Variants in XIRP2 observed in about 807,000 individuals in gnomAD.
XIRP2 encodes the protein xin actin binding repeat containing 2.
XIRP2 carries 236 observed loss-of-function variants against 277.0 expected under a neutral mutation model. The ratio of observed to expected loss-of-function variants is 0.85; its 90% CI spans 0.77 to 0.95. XIRP2 has a LOEUF of 0.95. XIRP2 is among the 40% of genes least tolerant of loss of function. The probability of loss-of-function intolerance (pLI) is 0.00; values close to 1 mark genes in which losing one functional copy is unlikely to be tolerated. For missense variants in XIRP2, 4,640 were observed against 4,157.5 expected, an observed-to-expected ratio of 1.12 and a Z score of -3.19; for synonymous variants, 1,490 against 1,416.5, an observed-to-expected ratio of 1.05 and a Z score of -1.17.
chr2:167,153,717 G>A (rs1692091876), intron 3 of XIRP2, among the ~76,000 whole-genome samples: 1 of 151,820 alleles, frequency 6.6e-6, no homozygotes, highest in South Asian at 2.1e-4. Flanking sequence ...TTTCATCCAT[G>A]TCCCTAAAAA....
chr2:167,087,109 A>G (rs1689975187), intron 2 of XIRP2, among the ~76,000 whole-genome samples: 1 of 152,032 alleles, frequency 6.6e-6, no homozygotes, highest in Non-Finnish European at 1.5e-5. Flanking sequence ...GGTGATGTAC[A>G]CATGGGTTTT....
chr2:167,180,800 G>T (rs984481541), intron 3 of XIRP2, among the ~76,000 whole-genome samples: 27 of 152,054 alleles, frequency 1.8e-4, no homozygotes, highest in Non-Finnish European at 3.4e-4. Context: ...CATTGACTGA[G>T]GTCCACCATT....
At chr2:167,059,903 C>T (rs1055892116) in intron 2 of XIRP2, among the ~76,000 whole-genome samples, 3 of 152,158 alleles carry the variant, frequency 2.0e-5, no homozygotes, top group Admixed American at 6.6e-5. Context: ...CACATGAATG[C>T]TTCTGTTAGG....
chr2:167,044,576 C>T (rs540786726), intron 2 of XIRP2, among the ~76,000 whole-genome samples: 2 of 152,238 alleles, frequency 1.3e-5, no homozygotes, highest in South Asian at 4.1e-4. Flanking sequence ...AGTAAACTTT[C>T]AGGATACAAA....
chr2:167,247,288 C>T lies in XIRP2; in HGVS notation c.5896C>T (p.Gln1966Ter), dbSNP rs761510859. ...GGGAGAGCAGAAAACAGATATTCAT[C>T]AGGTTGCTGTCCAGAGGAACAAAAA... The part of the protein sequence containing the change: ...SSGEQKTDIH[Q>*]VAVQRNKNSL... Residue 1966 changes from glutamine to a stop codon, truncating the protein, a stop_gained, in exon 9 of 11, where the codon CAG becomes TAG. Coordinates refer to ENST00000409195, the MANE Select transcript of XIRP2 (RefSeq NM_152381.6). LOFTEE classifies it high-confidence loss of function. 4 of 1,613,700 alleles carry T rather than the reference C, an allele frequency of 2.5e-6. No homozygotes were observed. In the South Asian group the frequency reaches 4.4e-5, roughly 18 times the overall value.
chr2:167,224,244 G>T (rs10185877), intron 5 of XIRP2, among the ~76,000 whole-genome samples: 8 of 151,734 alleles, frequency 5.3e-5, no homozygotes, highest in Admixed American at 1.3e-4. Context: ...TACATTTTTT[G>T]ATATTTTGAG....
intron 2 of XIRP2, among the ~76,000 whole-genome samples, chr2:166,948,247 A>G (rs974503371): frequency 1.1e-4 from 17 of 152,136 alleles, no homozygotes; most frequent in African/African-American, 4.1e-4. Flanking sequence ...ATGTGGGTTC[A>G]TCTATTATAA....
intron 2 of XIRP2, among the ~76,000 whole-genome samples, chr2:166,933,383 C>T (rs551252469): frequency 1.4e-4 from 21 of 152,016 alleles, no homozygotes; most frequent in African/African-American, 3.9e-4. Flanking sequence ...CTCCTGACCT[C>T]GTGATCCACC....
At chr2:167,102,288 T>A (rs920573396) in intron 2 of XIRP2, among the ~76,000 whole-genome samples, 2 of 152,204 alleles carry the variant, frequency 1.3e-5, no homozygotes, top group African/African-American at 4.8e-5. Context: ...ATCAAAGTCC[T>A]AAAGTAAAGC....
At chr2:167,195,804 A>T (rs1342792862) in intron 3 of XIRP2, among the ~76,000 whole-genome samples, 1 of 152,208 alleles carries the variant, frequency 6.6e-6, no homozygotes. Flanking sequence ...ATGCATTTCA[A>T]AACAAAGGCC....
In XIRP2 at chr2:166,933,087, T is replaced by C. The variant is rs200575924; in HGVS notation, c.408+29197T>C. 7.4e-4 allele frequency among the ~76,000 whole-genome samples: 111 copies of C among 149,096 alleles called. 1 individual carries two copies. Among genetic ancestry groups the C allele is most frequent in the African/African-American group, 2.3e-3 (93 of 40,132 alleles). ...TAATCTACACACACACACACACACA[T>C]ACACACACACACACAAACATGCACC... is the stretch of plus-strand genomic sequence containing the variant. On this transcript the variant is annotated intron_variant, in intron 2 of 10. Transcript: ENST00000409195.
At chr2:166,891,179 C>T (rs1684094125) in intron 1 of XIRP2, among the ~76,000 whole-genome samples, 1 of 152,110 alleles carries the variant, frequency 6.6e-6, no homozygotes, top group Non-Finnish European at 1.5e-5. Context: ...AGAAATTTGA[C>T]AGAAAAAGAC....
intron 2 of XIRP2, among the ~76,000 whole-genome samples, chr2:166,923,022 A>T (rs943435567): frequency 2.6e-5 from 4 of 151,902 alleles, no homozygotes; most frequent in African/African-American, 9.7e-5. Flanking sequence ...TTCTACTAAA[A>T]TTAAAAAAAA....
At chr2:167,076,199 T>A (rs1162583920) in intron 2 of XIRP2, among the ~76,000 whole-genome samples, 1 of 152,184 alleles carries the variant, frequency 6.6e-6, no homozygotes, top group Non-Finnish European at 1.5e-5. Flanking sequence ...GATCTTAAAT[T>A]GTTAGGTGTT....
At chr2:167,152,738 G>A (rs1403784628) in intron 3 of XIRP2, among the ~76,000 whole-genome samples, 2 of 152,028 alleles carry the variant, frequency 1.3e-5, no homozygotes, top group Non-Finnish European at 2.9e-5. Flanking sequence ...CAGGTGAGCA[G>A]TCATTATAAT....
At chr2:167,152,662 G>A (rs1232629028) in intron 3 of XIRP2, among the ~76,000 whole-genome samples, 1 of 151,956 alleles carries the variant, frequency 6.6e-6, no homozygotes, top group African/African-American at 2.4e-5. Flanking sequence ...TGAAGAACAA[G>A]AAGATAGACC....
intron 1 of XIRP2, among the ~76,000 whole-genome samples, chr2:166,899,344 A>G (rs1295386223): frequency 6.6e-6 from 1 of 152,100 alleles, no homozygotes; most frequent in African/African-American, 2.4e-5. Flanking sequence ...CTCCACACAT[A>G]TTGAGAATAT....
At chr2:167,192,773 C>A (rs1693386087) in intron 3 of XIRP2, among the ~76,000 whole-genome samples, 1 of 152,120 alleles carries the variant, frequency 6.6e-6, no homozygotes, top group Non-Finnish European at 1.5e-5. Flanking sequence ...CAGTTTCCAA[C>A]TGGAACTCAG....
At chr2:167,046,133 A>T (rs558922404) in intron 2 of XIRP2, among the ~76,000 whole-genome samples, 2 of 152,172 alleles carry the variant, frequency 1.3e-5, no homozygotes, top group South Asian at 4.1e-4. Context: ...TATGCATGGA[A>T]TTACATTCTT....
Sources: gnomAD v4.1 joint callset for allele counts (sites outside exome capture counted in the v4.1 genomes callset) on GRCh38, gnomAD v4.1.1 for gene constraint, MANE v1.5 for transcripts, NCBI Gene and HGNC (gene_info 2026-07-23, HGNC 2026-07-21) for gene names.